CYP2C19: variants seen among roughly 807,000 people sequenced by gnomAD.
The protein encoded by CYP2C19 is cytochrome P450 family 2 subfamily C member 19, also known as cytochrome P450 2C19.
In CYP2C19, 59 loss-of-function variants were observed where a neutral mutation model predicts 40.9. That is an observed-to-expected ratio of 1.44 (90% CI 1.17 to 1.79). The LOEUF is 1.79. CYP2C19 is among the 40% of genes most tolerant of loss of function. CYP2C19 has a pLI of 0.00. For missense variants in CYP2C19, 754 were observed against 596.9 expected, an observed-to-expected ratio of 1.26 and a Z score of -2.74; for synonymous variants, 253 against 208.7, an observed-to-expected ratio of 1.21 and a Z score of -1.83.
At chr10:94,820,777 A>G in intron 6 of CYP2C19, 140 bp downstream of exon 6, 1 of 1,099,484 alleles carries the variant, frequency 9.1e-7, no homozygotes, top group Non-Finnish European at 1.3e-6. Flanking sequence ...TCCCAATTTA[A>G]TGGTGTGATT....
At chr10:94,791,979 T>C (rs1038352596) in intron 5 of CYP2C19, among the ~76,000 whole-genome samples, 1 of 152,116 alleles carries the variant, frequency 6.6e-6, no homozygotes, top group African/African-American at 2.4e-5. Flanking sequence ...AGCCTCCCAT[T>C]ATTATTGTGT....
At chr10:94,834,556 CT>C (rs75883570) in intron 6 of CYP2C19, among the ~76,000 whole-genome samples, 358 of 141,312 alleles carry the variant, frequency 2.5e-3, no homozygotes, top group Middle Eastern at 7.5e-3. Flanking sequence ...TTTCTTTTTT[CT>C]TTTTTTTTTT....
chr10:94,828,830 C>T (rs560707576), intron 6 of CYP2C19, among the ~76,000 whole-genome samples: 2 of 152,230 alleles, frequency 1.3e-5, no homozygotes, highest in South Asian at 4.1e-4. Context: ...ATTAGTGCTT[C>T]CTTCAGGAGT....
At chr10:94,808,259 A>G (rs991874730) in intron 5 of CYP2C19, among the ~76,000 whole-genome samples, 1 of 151,380 alleles carries the variant, frequency 6.6e-6, no homozygotes, top group African/African-American at 2.4e-5. Context: ...GTTATTTTAG[A>G]TATTATAGAT....
chr10:94,775,039 A>T lies in CYP2C19; in HGVS notation c.169-19A>T, dbSNP rs1360280501. ...AAAACAGTGACTTCATTTGCTGTTA[A>T]CTGTATCTCCTTTTCTAGCTCTCAA... On this transcript the variant is annotated intron_variant, in intron 1 of 8. Transcript: ENST00000371321. The T allele has an allele frequency of 1.9e-5, 30 of 1,613,084 alleles. No individual in the cohort carries two copies. The highest frequency in any genetic ancestry group is 2.5e-5 in the Non-Finnish European group (30 of 1,179,416).
chr10:94,827,329 A>T lies in CYP2C19; in HGVS notation c.961+6692A>T, dbSNP rs566394206. On this transcript the variant is annotated intron_variant, in intron 6 of 8. Transcript: ENST00000371321. ...GGTTGGTAAGCTATTGATTATTGCC[A>T]CAATTTCAGCTCCTGTTATTGGTCT... 5.3e-5 allele frequency among the ~76,000 whole-genome samples: 8 copies of T among 152,098 alleles called. No homozygotes were observed. In the East Asian group the frequency reaches 1.5e-3, roughly 29 times the overall value.
At position 94,806,107 on chromosome 10, in the gene CYP2C19, A is replaced by C. The variant is rs373516535; in HGVS notation, c.820-14389A>C. Among the ~76,000 whole-genome samples the C allele has an allele frequency of 1.0e-3, 152 of 150,508 alleles. 1 individual carries two copies. The Middle Eastern group carries it at 0.031, about 31-fold the overall frequency. The stretch of plus-strand genomic sequence containing the variant: ...CAACATTCTACTTTATGTCTCTATG[A>C]AATCGAGTATGCTGGGTACCTCATA... On this transcript the variant is annotated intron_variant, in intron 5 of 8. Coordinates refer to ENST00000371321, the MANE Select transcript of CYP2C19 (RefSeq NM_000769.4).
chr10:94,764,784 CAAG>C (rs1317933844), intron 1 of CYP2C19, among the ~76,000 whole-genome samples: 1 of 152,042 alleles, frequency 6.6e-6, no homozygotes, highest in African/African-American at 2.4e-5. Context: ...ACAAATTTGA[CAAG>C]GAGGTTAAAA....
At chr10:94,845,347 A>C (rs1181876535) in intron 7 of CYP2C19, among the ~76,000 whole-genome samples, 3 of 152,214 alleles carry the variant, frequency 2.0e-5, no homozygotes, top group Admixed American at 6.5e-5. Context: ...ATTTCCCATA[A>C]ATTTTTGTTT....
At chr10:94,842,375 T>C (rs1849508111) in intron 6 of CYP2C19, among the ~76,000 whole-genome samples, 1 of 148,322 alleles carries the variant, frequency 6.7e-6, no homozygotes, top group Non-Finnish European at 1.5e-5. Flanking sequence ...TCAGTCTATG[T>C]GTGTTTTTTT....
At chr10:94,852,444 C>G (rs548482389) in intron 8 of CYP2C19, among the ~76,000 whole-genome samples, 1 of 152,158 alleles carries the variant, frequency 6.6e-6, no homozygotes, top group Non-Finnish European at 1.5e-5. Flanking sequence ...AGCTGACAGT[C>G]AATAAACATT....
At chr10:94,796,037 C>A (rs1848681103) in intron 5 of CYP2C19, among the ~76,000 whole-genome samples, 1 of 152,018 alleles carries the variant, frequency 6.6e-6, no homozygotes. Flanking sequence ...CTTTTGTTGC[C>A]ATTGCTTTTT....
chr10:94,795,068 A>G (rs1172417094), intron 5 of CYP2C19, among the ~76,000 whole-genome samples: 2 of 151,552 alleles, frequency 1.3e-5, no homozygotes, highest in Non-Finnish European at 2.9e-5. Context: ...GGTTTGTTAC[A>G]TATGTATACA....
rs1012199850 is a variant in CYP2C19 at position 94,780,946 on chromosome 10, C to G, written c.642+287C>G. 1.4e-4 allele frequency among the ~76,000 whole-genome samples: 22 copies of G among 152,122 alleles called. 1 individual carries two copies. Among genetic ancestry groups the G allele is most frequent in the Non-Finnish European group, 8.8e-5 (6 of 68,022 alleles). The stretch of plus-strand genomic sequence containing the variant: ...CTATAAAGTACTTTGGTGACAGCCC[C>G]AAAGCGTGCTTATATCACTCCATGG... On this transcript the variant is annotated intron_variant, in intron 4 of 8. Coordinates refer to ENST00000371321, the MANE Select transcript of CYP2C19 (RefSeq NM_000769.4).
intron 3 of CYP2C19, among the ~76,000 whole-genome samples, 164 bp from the exon 4 acceptor site, chr10:94,780,335 A>G (rs552216390): frequency 6.6e-6 from 1 of 152,314 alleles, no homozygotes; most frequent in East Asian, 1.9e-4. Context: ...TTAATGTAAA[A>G]GTGATGTGTT....
chr10:94,765,644 G>A (rs1395019496), intron 1 of CYP2C19, among the ~76,000 whole-genome samples: 1 of 152,068 alleles, frequency 6.6e-6, no homozygotes, highest in Non-Finnish European at 1.5e-5. Context: ...ACTAGTGGTG[G>A]GGGAGCTGCT....
intron 5 of CYP2C19, among the ~76,000 whole-genome samples, chr10:94,818,733 T>A (rs1477174793): frequency 6.7e-6 from 1 of 148,454 alleles, no homozygotes; most frequent in African/African-American, 2.5e-5. Flanking sequence ...TTTTTGTACA[T>A]TGATTTTGTA....
chr10:94,789,134 T>A (rs542010258), intron 5 of CYP2C19, among the ~76,000 whole-genome samples: 1 of 152,182 alleles, frequency 6.6e-6, no homozygotes, highest in South Asian at 2.1e-4. Context: ...TTTGGCCACA[T>A]AGATGTCTTC....
At chr10:94,831,218 T>C (rs1184155717) in intron 6 of CYP2C19, among the ~76,000 whole-genome samples, 1 of 152,212 alleles carries the variant, frequency 6.6e-6, no homozygotes, top group Non-Finnish European at 1.5e-5. Context: ...TCATTCTTTT[T>C]TTATGGCTGA....
Sources: allele counts gnomAD v4.1 joint callset (sites outside exome capture counted in the v4.1 genomes callset), GRCh38; gene constraint gnomAD v4.1.1; transcripts MANE v1.5; gene names NCBI Gene and HGNC (gene_info 2026-07-23, HGNC 2026-07-21).